Variants in CSMD1 observed in about 807,000 individuals in gnomAD.
CSMD1 encodes the protein CUB and Sushi multiple domains 1.
Under a neutral mutation model 417.5 loss-of-function variants are expected in CSMD1, and 213 were observed. That is an observed-to-expected ratio of 0.51 (90% confidence interval 0.46 to 0.57). The LOEUF (loss-of-function observed/expected upper bound fraction) is 0.57, where lower values mean the gene tolerates loss of function less well. Ranked by LOEUF, CSMD1 falls within the 20% of genes least tolerant of loss-of-function variation. CSMD1 has a pLI of 0.00. For synonymous variants in CSMD1, 2,862 were observed against 1,736.8 expected (o/e 1.65, Z -16.11); for missense variants, 6,923 against 4,529.7 (o/e 1.53, Z -15.17).
intron 1 of CSMD1, among the ~76,000 whole-genome samples, chr8:4,897,766 T>A (rs2117029049): frequency 6.6e-6 from 1 of 152,228 alleles, no homozygotes; most frequent in Non-Finnish European, 1.5e-5. Flanking sequence ...ATTATGTTAT[T>A]TTAAGAATTC....
chr8:4,135,801 A>T (rs1403301785), intron 3 of CSMD1, among the ~76,000 whole-genome samples: 1 of 152,236 alleles, frequency 6.6e-6, no homozygotes, highest in East Asian at 1.9e-4. Flanking sequence ...AAATCTAGTT[A>T]ATATCCATTT....
At chr8:3,739,684 G>C (rs1796695210) in intron 6 of CSMD1, among the ~76,000 whole-genome samples, 1 of 152,164 alleles carries the variant, frequency 6.6e-6, no homozygotes, top group Non-Finnish European at 1.5e-5. Flanking sequence ...TGTGTTGTAA[G>C]ACTGTACCAC....
chr8:4,196,997 C>T (rs142026364), intron 3 of CSMD1, among the ~76,000 whole-genome samples: 25 of 152,254 alleles, frequency 1.6e-4, no homozygotes, highest in African/African-American at 3.6e-4. Flanking sequence ...ATCTATTCTA[C>T]GCTTTCTATT....
chr8:3,719,886 A>C (rs1322428882), intron 6 of CSMD1, among the ~76,000 whole-genome samples: 5 of 152,314 alleles, frequency 3.3e-5, no homozygotes, highest in African/African-American at 1.2e-4. Context: ...TCTGGAACTC[A>C]TTAGAGATGT....
At chr8:4,802,398 C>A (rs1798349553) in intron 1 of CSMD1, among the ~76,000 whole-genome samples, 2 of 151,516 alleles carry the variant, frequency 1.3e-5, no homozygotes, top group Admixed American at 1.3e-4. Flanking sequence ...GAGAAGCATC[C>A]CCGTGGTTAA....
intron 1 of CSMD1, among the ~76,000 whole-genome samples, chr8:4,864,692 G>C (rs1458590926): frequency 1.3e-5 from 2 of 151,546 alleles, no homozygotes; most frequent in Admixed American, 6.6e-5. Context: ...TTAAATAAAG[G>C]TCTCTGCAGA....
intron 10 of CSMD1, among the ~76,000 whole-genome samples, chr8:3,511,446 G>C (rs1425924193): frequency 4.0e-5 from 6 of 151,666 alleles, no homozygotes; most frequent in Non-Finnish European, 7.3e-5. Flanking sequence ...TCCAAAAGAA[G>C]AGAAGGTTTA....
intron 41 of CSMD1, among the ~76,000 whole-genome samples, chr8:3,123,240 C>A (rs1287163682): frequency 6.6e-6 from 1 of 152,132 alleles, no homozygotes; most frequent in Non-Finnish European, 1.5e-5. Flanking sequence ...GCTCCCTGGG[C>A]CAACCTGTCA....
At chr8:4,631,926 T>C (rs907677062) in intron 2 of CSMD1, among the ~76,000 whole-genome samples, 2 of 152,184 alleles carry the variant, frequency 1.3e-5, no homozygotes, top group African/African-American at 4.8e-5. Context: ...AGTGGTAAAA[T>C]CTCCCTTCAT....
chr8:4,823,212 C>T (rs1008583983), intron 1 of CSMD1, among the ~76,000 whole-genome samples: 45 of 152,054 alleles, frequency 3.0e-4, no homozygotes, highest in African/African-American at 9.9e-4. Flanking sequence ...AGGTTTAATC[C>T]AAATGTCTAA....
At chr8:4,822,443 CCA>C (rs1203791041) in intron 1 of CSMD1, among the ~76,000 whole-genome samples, 2 of 151,914 alleles carry the variant, frequency 1.3e-5, no homozygotes, top group African/African-American at 2.4e-5. Flanking sequence ...TAAGAGGATT[CCA>C]AAAAATGTAA....
chr8:4,933,547 A>G (rs1471707657), intron 1 of CSMD1, among the ~76,000 whole-genome samples: 4 of 152,180 alleles, frequency 2.6e-5, no homozygotes, highest in Non-Finnish European at 1.5e-5. Context: ...ATACTTTCGA[A>G]AAGTAGCACT....
At chr8:3,408,507 A>T (rs1291301224) in intron 13 of CSMD1, among the ~76,000 whole-genome samples, 4 of 147,434 alleles carry the variant, frequency 2.7e-5, no homozygotes, top group Non-Finnish European at 4.4e-5. Flanking sequence ...AACGTGTGCC[A>T]AATATTATAA....
intron 1 of CSMD1, among the ~76,000 whole-genome samples, chr8:4,720,270 A>AT (rs1808968781): frequency 6.6e-6 from 1 of 151,884 alleles, no homozygotes; most frequent in South Asian, 2.1e-4. Flanking sequence ...AGTTGGAAAA[A>AT]TTTTTCCAAA....
chr8:3,648,384 G>A (rs549226337), intron 7 of CSMD1, among the ~76,000 whole-genome samples: 1 of 152,140 alleles, frequency 6.6e-6, no homozygotes, highest in Admixed American at 6.5e-5. Flanking sequence ...TTAAGACTTT[G>A]TGAGACTGAC....
At chr8:4,753,039 A>G (rs538896766) in intron 1 of CSMD1, among the ~76,000 whole-genome samples, 1 of 152,158 alleles carries the variant, frequency 6.6e-6, no homozygotes, top group Admixed American at 6.5e-5. Flanking sequence ...ATAATAAGAG[A>G]AAATACATAT....
intron 1 of CSMD1, among the ~76,000 whole-genome samples, chr8:4,967,069 A>G (rs1809916953): frequency 6.6e-6 from 1 of 152,214 alleles, no homozygotes; most frequent in Non-Finnish European, 1.5e-5. Context: ...GGCTAATTCA[A>G]TTAGTCACTG....
At chr8:4,014,907 T>C (rs1000615196) in intron 4 of CSMD1, among the ~76,000 whole-genome samples, 6 of 152,206 alleles carry the variant, frequency 3.9e-5, no homozygotes, top group African/African-American at 1.4e-4. Flanking sequence ...GAGCCACTTC[T>C]GATTATTTTT....
chr8:4,701,046 G>A (rs1004688621), intron 1 of CSMD1, among the ~76,000 whole-genome samples: 1 of 152,152 alleles, frequency 6.6e-6, no homozygotes, highest in Admixed American at 6.5e-5. Context: ...CAAAGTATGA[G>A]TACATAAAAC....
Sources: gnomAD v4.1 joint callset for allele counts (sites outside exome capture counted in the v4.1 genomes callset) on GRCh38, gnomAD v4.1.1 for gene constraint, MANE v1.5 for transcripts, NCBI Gene and HGNC (gene_info 2026-07-23, HGNC 2026-07-21) for gene names.